The following METTL9 variants were observed in gnomAD, a reference collection of about 807,000 sequenced individuals.
METTL9 encodes methyltransferase 9, His-X-His N1(pi)-histidine.
Under a neutral mutation model 36.0 loss-of-function variants are expected in METTL9, and 10 were observed. The ratio of observed to expected loss-of-function variants is 0.28; its 90% confidence interval spans 0.17 to 0.47. The LOEUF (loss-of-function observed/expected upper bound fraction) is 0.47, where lower values mean the gene tolerates loss of function less well. Ranked by LOEUF, METTL9 falls within the 20% of genes least tolerant of loss-of-function variation. The probability of loss-of-function intolerance (pLI) is 0.99; values close to 1 mark genes in which losing one functional copy is unlikely to be tolerated. For missense variants in METTL9, 246 were observed against 383.5 expected, an observed-to-expected ratio of 0.64 and a Z score of 3.00; for synonymous variants, 175 against 149.7, an observed-to-expected ratio of 1.17 and a Z score of -1.23.
At chr16:21,621,176 T>TG (rs1965684716) in intron 3 of METTL9, among the ~76,000 whole-genome samples, 1 of 149,598 alleles carries the variant, frequency 6.7e-6, no homozygotes. Flanking sequence ...GTGTGTGTGT[T>TG]TTTGTGTGTT....
intron 4 of METTL9, among the ~76,000 whole-genome samples, chr16:21,644,841 T>C (rs988721163): frequency 1.3e-5 from 2 of 152,216 alleles, no homozygotes; most frequent in Non-Finnish European, 2.9e-5. Flanking sequence ...GCCTTGGAAC[T>C]AGTACACATA....
intron 4 of METTL9, among the ~76,000 whole-genome samples, chr16:21,634,373 A>G (rs1366127486): frequency 6.6e-6 from 1 of 152,174 alleles, no homozygotes; most frequent in Non-Finnish European, 1.5e-5. Flanking sequence ...CTTCTGGGGC[A>G]GTGCACCTTC....
chr16:21,655,553 A>G lies in METTL9; in HGVS notation c.*121A>G. On this transcript the variant is annotated 3_prime_UTR_variant, in exon 5 of 5. Coordinates refer to ENST00000358154, the MANE Select transcript of METTL9 (RefSeq NM_016025.5). ...GGGACCGCCATTCTAAATATCATGT[A>G]GGAATTTAAAAAGCCAAAATACTAA... The G allele has an allele frequency of 1.2e-6, 1 of 852,726 alleles. No homozygotes were observed. Among genetic ancestry groups the G allele is most frequent in the Non-Finnish European group, 1.8e-6 (1 of 554,104 alleles). The allele number at this position is 852,726 out of a possible 1,614,324, so 52.8% of individuals were successfully genotyped here.
At chr16:21,602,574 T>C (rs1965162246) in intron 1 of METTL9, among the ~76,000 whole-genome samples, 1 of 152,204 alleles carries the variant, frequency 6.6e-6, no homozygotes, top group Non-Finnish European at 1.5e-5. Context: ...TATTTTTAAA[T>C]GGTTACCAAG....
chr16:21,606,606 G>A (rs959334240), intron 1 of METTL9, among the ~76,000 whole-genome samples: 1 of 152,050 alleles, frequency 6.6e-6, no homozygotes, highest in African/African-American at 2.4e-5. Flanking sequence ...AGATTGGAAG[G>A]TGGGGCTGAA....
intron 1 of METTL9, among the ~76,000 whole-genome samples, chr16:21,605,700 C>G (rs907816864): frequency 6.6e-6 from 1 of 152,084 alleles, no homozygotes; most frequent in African/African-American, 2.4e-5. Flanking sequence ...TGGCCTTTAT[C>G]TGGTTTGTGC....
intron 4 of METTL9, among the ~76,000 whole-genome samples, chr16:21,629,223 A>AT (rs1354224283): frequency 1.3e-5 from 2 of 151,914 alleles, no homozygotes; most frequent in Non-Finnish European, 2.9e-5. Flanking sequence ...CCTCCCAGAT[A>AT]TATATTTTGA....
At chr16:21,622,207 C>T (rs925037208) in intron 3 of METTL9, among the ~76,000 whole-genome samples, 1 of 136,834 alleles carries the variant, frequency 7.3e-6, no homozygotes, top group African/African-American at 2.8e-5. Context: ...TGCAGTGACA[C>T]AATCATAGCT....
Position 21,599,987 on chromosome 16 carries a change from G to T in METTL9, c.165+89G>T. On this transcript the variant is annotated intron_variant, in intron 1 of 4. Transcript: ENST00000358154. The surrounding 1 kb of genome is among the most constrained non-coding windows in gnomAD (Gnocchi z 4.4). ...GCTATTGTGCGGGACGGCTCCGCGA[G>T]GGGGCGGCCCGGCCCTCGCCCCTCC... 2 of 1,118,768 alleles carry T rather than the reference G, an allele frequency of 1.8e-6. No homozygotes were observed. The highest frequency in any genetic ancestry group is 2.2e-6 in the Non-Finnish European group (2 of 896,382). 69.3% of individuals were successfully genotyped at this position (1,118,768 alleles called of 1,614,324 possible). A position where few individuals can be genotyped will look rare whatever the true frequency, so the allele number is the denominator to read the frequency against.
chr16:21,625,151 A>ATAGC, intron 4 of METTL9, 36 bp downstream of exon 4: 1 of 1,602,134 alleles, frequency 6.2e-7, no homozygotes, highest in South Asian at 1.1e-5. Context: ...CTTACTGAGG[A>ATAGC]TAGCTGTTTA....
chr16:21,639,205 T>C (rs373187436), intron 4 of METTL9, among the ~76,000 whole-genome samples: 1 of 152,214 alleles, frequency 6.6e-6, no homozygotes, highest in African/African-American at 2.4e-5. Flanking sequence ...CCTAGAGGAA[T>C]GGAACTCTTT....
chr16:21,651,810 T>C (rs888796322), intron 4 of METTL9: 1 of 152,206 alleles, frequency 6.6e-6, no homozygotes, highest in Non-Finnish European at 1.5e-5. Context: ...AATTCTTCTT[T>C]AAAATAATGC....
chr16:21,652,402 C>T (rs1966600216), intron 4 of METTL9: 8 of 584,966 alleles, frequency 1.4e-5, no homozygotes, highest in Non-Finnish European at 1.1e-5. Flanking sequence ...GGAAACTTAT[C>T]CTCTTAGGCA....
At chr16:21,601,605 C>A in intron 1 of METTL9, among the ~76,000 whole-genome samples, 1 of 152,228 alleles carries the variant, frequency 6.6e-6, no homozygotes, top group South Asian at 2.1e-4. Context: ...GTAGACATAG[C>A]CTCAGAATAT....
intron 4 of METTL9, chr16:21,643,696 T>G (rs1966339439): frequency 1.3e-6 from 1 of 757,792 alleles, no homozygotes; most frequent in Admixed American, 2.8e-5. Context: ...TAACTTAATA[T>G]TTAAGTGATA....
chr16:21,599,506 G>T, upstream of METTL9: 5 of 1,225,314 alleles, frequency 4.1e-6, no homozygotes, highest in Non-Finnish European at 5.1e-6. This position sits in a 1 kb window ranked among gnomAD's most constrained non-coding sequence, Gnocchi z 4.4. Context: ...GATGGAAACT[G>T]GTGCAGGGGG....
chr16:21,633,904 A>G (rs553388231), intron 4 of METTL9, among the ~76,000 whole-genome samples: 154 of 152,238 alleles, frequency 1.0e-3, no homozygotes, highest in Non-Finnish European at 1.8e-3. Flanking sequence ...TTGCCCTTCC[A>G]AATTGTCCTT....
At chr16:21,648,514 C>T (rs1285186494) in intron 4 of METTL9, among the ~76,000 whole-genome samples, 1 of 152,200 alleles carries the variant, frequency 6.6e-6, no homozygotes, top group Non-Finnish European at 1.5e-5. Flanking sequence ...CGTCTAGCCA[C>T]AAGGTGTTCA....
Position 21,612,680 on chromosome 16 carries a change from A to G in METTL9, c.201A>G (p.Ser67=). The stretch of plus-strand genomic sequence containing the variant: ...GCAACAGAGAGAAATTATGCGAATC[A>G]CTCCAGGCTGTCTTTGTTCAGAGTT... The part of the protein sequence containing the change: ...YVCNREKLCE[S]LQAVFVQSYL... Residue 67 remains serine (S), a synonymous_variant, in exon 2 of 5, where the codon TCA becomes TCG. Coordinates refer to ENST00000358154, the MANE Select transcript of METTL9 (RefSeq NM_016025.5). 1 of 1,581,416 alleles carries G rather than the reference A, an allele frequency of 6.3e-7. No individual in the cohort carries two copies. Among genetic ancestry groups the G allele is most frequent in the Non-Finnish European group, 8.5e-7 (1 of 1,169,716 alleles).
Sources: allele counts gnomAD v4.1 joint callset (sites outside exome capture counted in the v4.1 genomes callset), GRCh38; gene constraint gnomAD v4.1.1; non-coding constraint Gnocchi (gnomAD v3.1); transcripts MANE v1.5; gene names NCBI Gene and HGNC (gene_info 2026-07-23, HGNC 2026-07-21).